Variants in MSRA observed in about 807,000 individuals in gnomAD.
MSRA encodes mitochondrial peptide methionine sulfoxide reductase.
Under a neutral mutation model 31.3 loss-of-function variants are expected in MSRA, and 54 were observed. The observed-to-expected ratio is 1.73, with a 90% CI of 1.39 to 2.17. The LOEUF is 2.17. Among genes scored for constraint, MSRA ranks in the 30% most tolerant of loss-of-function variants. The pLI, the probability that MSRA is intolerant of heterozygous loss-of-function variation, is 0.00. For synonymous variants in MSRA, 169 were observed against 116.5 expected, an observed-to-expected ratio of 1.45 and a Z score of -2.90; for missense variants, 507 against 300.9, an observed-to-expected ratio of 1.69 and a Z score of -5.07.
intron 5 of MSRA, among the ~76,000 whole-genome samples, chr8:10,358,396 C>T (rs1000360050): frequency 1.3e-5 from 2 of 152,042 alleles, no homozygotes; most frequent in South Asian, 2.1e-4. Context: ...TTGTTTCCCC[C>T]CAATTTTTGT....
At chr8:10,395,988 C>G (rs1421090839) in intron 5 of MSRA, among the ~76,000 whole-genome samples, 2 of 152,202 alleles carry the variant, frequency 1.3e-5, no homozygotes, top group Non-Finnish European at 2.9e-5. Flanking sequence ...AGTCTCTTGT[C>G]TAACACTTGG....
At chr8:10,073,348 T>C (rs1797835930) in intron 1 of MSRA, among the ~76,000 whole-genome samples, 1 of 152,176 alleles carries the variant, frequency 6.6e-6, no homozygotes, top group African/African-American at 2.4e-5. Flanking sequence ...ACCACCTGTT[T>C]AAATAAAGTT....
intron 1 of MSRA, among the ~76,000 whole-genome samples, 187 bp downstream of exon 1, chr8:10,054,845 C>A (rs1028339770): frequency 6.6e-6 from 1 of 152,206 alleles, no homozygotes; most frequent in Non-Finnish European, 1.5e-5. Context: ...CCACTGACGT[C>A]CCTTTGTCTT....
intron 4 of MSRA, among the ~76,000 whole-genome samples, chr8:10,307,163 A>T (rs1801183554): frequency 9.4e-6 from 1 of 106,138 alleles, no homozygotes; most frequent in Non-Finnish European, 1.8e-5. Context: ...TCTTCTAAGG[A>T]TGCACATTTT....
intron 1 of MSRA, among the ~76,000 whole-genome samples, chr8:10,068,368 C>A (rs188756695): frequency 6.6e-6 from 1 of 152,042 alleles, no homozygotes; most frequent in South Asian, 2.1e-4. Context: ...TTGTGCCTTT[C>A]GTGTATCTAA....
chr8:10,396,391 G>A (rs997132710), intron 5 of MSRA, among the ~76,000 whole-genome samples: 2 of 152,108 alleles, frequency 1.3e-5, no homozygotes, highest in South Asian at 2.1e-4. Context: ...GGGGGGCTTC[G>A]GTATGATAAA....
rs577115407 is a variant in MSRA at position 10,389,088 on chromosome 8, G to C, written c.544-39060G>C. Among the ~76,000 whole-genome samples the C allele has an allele frequency of 6.6e-5, 10 of 152,236 alleles. No homozygotes were observed. The South Asian group carries it at 2.1e-3, about 32-fold the overall frequency. ...CTGCTCAAGGTCATCACCAAGGTCTGATTTTTCACAAAAAATTCGTAACCT... is the reference window on the plus strand; with the variant it reads ...CTGCTCAAGGTCATCACCAAGGTCTCATTTTTCACAAAAAATTCGTAACCT... On this transcript the variant is annotated intron_variant, in intron 5 of 5. Transcript: ENST00000317173.
intron 5 of MSRA, among the ~76,000 whole-genome samples, chr8:10,412,527 T>C (rs1165225123): frequency 1.3e-5 from 2 of 152,182 alleles, no homozygotes; most frequent in Non-Finnish European, 2.9e-5. Flanking sequence ...ACCAGAATCA[T>C]GGGACAGGGG....
Position 10,393,138 on chromosome 8 carries a change from A to G in MSRA, c.544-35010A>G, listed in dbSNP as rs560737766. On this transcript the variant is annotated intron_variant, in intron 5 of 5. Transcript: ENST00000317173. ...CTGCGAGAAAAGAACCACTTTGTCCACTGCTGCTCCTTGAGCTTGGGGAGA... is the reference window on the plus strand; with the variant it reads ...CTGCGAGAAAAGAACCACTTTGTCCGCTGCTGCTCCTTGAGCTTGGGGAGA... Among the ~76,000 whole-genome samples, 7 of 150,332 alleles carry G rather than the reference A, an allele frequency of 4.7e-5. No individual in the cohort carries two copies. In the South Asian group the frequency reaches 1.5e-3, roughly 32 times the overall value.
intron 1 of MSRA, among the ~76,000 whole-genome samples, chr8:10,131,038 A>G (rs1483143665): frequency 6.6e-6 from 1 of 152,218 alleles, no homozygotes; most frequent in African/African-American, 2.4e-5. Context: ...TGCAAACTAC[A>G]GAACTATAAA....
chr8:10,061,706 A>G (rs898807160), intron 1 of MSRA, among the ~76,000 whole-genome samples: 13 of 152,212 alleles, frequency 8.5e-5, no homozygotes, highest in African/African-American at 2.7e-4. Context: ...TCGTGTGACC[A>G]TCATGATACA....
chr8:10,392,837 G>A (rs1422414665), intron 5 of MSRA, among the ~76,000 whole-genome samples: 3 of 140,298 alleles, frequency 2.1e-5, no homozygotes. Context: ...ACCAGGTCAG[G>A]AGATCAAGAC....
intron 1 of MSRA, among the ~76,000 whole-genome samples, chr8:10,158,593 A>G (rs1373900316): frequency 6.6e-6 from 1 of 152,248 alleles, no homozygotes; most frequent in Non-Finnish European, 1.5e-5. Flanking sequence ...GGATGTATCC[A>G]TAATTGTATG....
rs745513086 is a variant in MSRA at position 10,054,534 on chromosome 8, G to C, written c.18G>C (p.Arg6=). The C allele has an allele frequency of 5.0e-6, 8 of 1,585,302 alleles. No individual in the cohort carries two copies. The highest frequency in any genetic ancestry group is 3.4e-5 in the South Asian group (3 of 88,746). The change falls in exon 1 of 6, where the codon CGG becomes CGC. Residue 6 remains arginine, a synonymous_variant. Transcript: ENST00000317173. ...GCCCTCCCATGCTCTCGGCCACCCGGAGGGCTTGCCAGCTCCTCCTCCTCC... is the reference window on the plus strand; with the variant it reads ...GCCCTCCCATGCTCTCGGCCACCCGCAGGGCTTGCCAGCTCCTCCTCCTCC... MLSAT[R]RACQLLLLHS...
intron 3 of MSRA, among the ~76,000 whole-genome samples, chr8:10,259,039 G>T (rs1798328891): frequency 6.6e-6 from 1 of 152,024 alleles, no homozygotes; most frequent in African/African-American, 2.4e-5. Flanking sequence ...CCTGGAAGGT[G>T]GAGGTTGCCG....
chr8:10,401,431 G>A (rs548111639), intron 5 of MSRA, among the ~76,000 whole-genome samples: 1 of 152,214 alleles, frequency 6.6e-6, no homozygotes, highest in Non-Finnish European at 1.5e-5. Context: ...TGGTGAGGAT[G>A]TGGAGAAATT....
chr8:10,128,252 GC>G (rs1563128090), intron 1 of MSRA, among the ~76,000 whole-genome samples: 1 of 152,002 alleles, frequency 6.6e-6, no homozygotes, highest in Non-Finnish European at 1.5e-5. Context: ...GGTGGTGGAG[GC>G]CTGTAATCCT....
At chr8:10,099,359 G>C (rs1477681093) in intron 1 of MSRA, among the ~76,000 whole-genome samples, 1 of 152,166 alleles carries the variant, frequency 6.6e-6, no homozygotes, top group Non-Finnish European at 1.5e-5. Context: ...TACTCCCAGA[G>C]GACTTGCTCT....
chr8:10,095,798 A>C (rs1799113990), intron 1 of MSRA: 1 of 1,210,300 alleles, frequency 8.3e-7, no homozygotes, highest in East Asian at 3.4e-5. Context: ...TTTAGTCACC[A>C]GTATTAAGGG....
Sources: allele counts gnomAD v4.1 joint callset (sites outside exome capture counted in the v4.1 genomes callset), GRCh38; gene constraint gnomAD v4.1.1; transcripts MANE v1.5; gene names NCBI Gene and HGNC (gene_info 2026-07-23, HGNC 2026-07-21).